GIGYF2: variants seen among roughly 807,000 people sequenced by gnomAD.
The protein encoded by GIGYF2 is GRB10-interacting GYF protein 2.
A neutral mutation model predicts 208.1 loss-of-function variants in GIGYF2; 25 were observed. That is an observed-to-expected ratio of 0.12 (90% CI 0.09 to 0.17). The LOEUF (loss-of-function observed/expected upper bound fraction) is 0.17. Ranked by LOEUF, GIGYF2 falls within the 10% of genes least tolerant of loss-of-function variation. The pLI is 1.00. For missense variants in GIGYF2, 1,302 were observed against 1,579.4 expected (o/e 0.82, Z 2.98); for synonymous variants, 534 against 543.8 (o/e 0.98, Z 0.25).
intron 22 of GIGYF2, among the ~76,000 whole-genome samples, chr2:232,839,378 C>CA (rs1281837105): frequency 6.6e-6 from 1 of 152,190 alleles, no homozygotes; most frequent in Admixed American, 6.5e-5. Flanking sequence ...AGAACTATGC[C>CA]AGCATCTCTC....
chr2:232,727,791 G>A (rs6704768), intron 2 of GIGYF2, among the ~76,000 whole-genome samples: 82,561 of 151,954 alleles, frequency 0.54, 22,555 homozygotes, highest in South Asian at 0.71. Flanking sequence ...ATTCACTTCC[G>A]TTAAATCTGT....
At chr2:232,715,637 G>T (rs1363669799) in intron 2 of GIGYF2, among the ~76,000 whole-genome samples, 3 of 151,914 alleles carry the variant, frequency 2.0e-5, no homozygotes, top group Non-Finnish European at 4.4e-5. Context: ...GTAATAAAGT[G>T]AATATTGAAG....
intron 15 of GIGYF2, among the ~76,000 whole-genome samples, 156 bp from the exon 16 acceptor site, chr2:232,809,564 G>C (rs2106383095): frequency 6.6e-6 from 1 of 152,308 alleles, no homozygotes. Context: ...AGTTTTTAAA[G>C]ATGTCTGAGT....
At chr2:232,853,367 C>T (rs1245734080) in intron 28 of GIGYF2, among the ~76,000 whole-genome samples, 1 of 152,306 alleles carries the variant, frequency 6.6e-6, no homozygotes, top group East Asian at 1.9e-4. Flanking sequence ...TCCTCCACCT[C>T]CCGGGTTCAA....
At chr2:232,762,226 CTTTTTTTTTTTG>C (rs1354020672) in intron 8 of GIGYF2, among the ~76,000 whole-genome samples, 60 of 92,932 alleles carry the variant, frequency 6.5e-4, no homozygotes, top group African/African-American at 1.3e-3. Context: ...TTAATCATGT[CTTTTTTTTTTTG>C]TTTTTTTTTT....
rs750572791 is a variant in GIGYF2, at chr2:232,749,064, C to T, written c.249C>T (p.Pro83=). 6.3e-7 allele frequency: 1 copy of T among 1,577,690 alleles called. No homozygotes were observed. Among genetic ancestry groups the T allele is most frequent in the Non-Finnish European group, 8.7e-7 (1 of 1,146,828 alleles). The change falls in exon 5 of 29, where the codon CCC becomes CCT. Residue 83 remains proline, a synonymous_variant. Coordinates refer to ENST00000373563, the MANE Select transcript of GIGYF2 (RefSeq NM_001103146.3). ...CCCTTCCACCATTGGCTCTGGTACC[C>T]TTTACAGAAGAAGAACAGGTTTGTG... ...EEPLPPLALV[P]FTEEEQRNFS...
In GIGYF2 at chr2:232,847,517, A is replaced by AGCAG; in HGVS notation, c.3630_3631insGCAG (p.Gln1211AlafsTer47). ...AGCAGCGTCAGCAGCAGCAGCTGCC[A>AGCAG]CAGCAGCAGCAGCAGCAGCCGCCAC... On this transcript the variant is annotated frameshift_variant, in exon 27 of 29. Coordinates refer to ENST00000373563, the MANE Select transcript of GIGYF2 (RefSeq NM_001103146.3). LOFTEE classifies it high-confidence loss of function. The AGCAG allele has an allele frequency of 7.2e-6, 3 of 415,918 alleles. No homozygotes were observed. The highest frequency in any genetic ancestry group is 5.8e-5 in the South Asian group (3 of 51,648). The allele number at this position is 415,918 out of a possible 1,614,324, so 25.8% of individuals were successfully genotyped here.
chr2:232,738,907 C>T (rs1311070630), intron 3 of GIGYF2, among the ~76,000 whole-genome samples: 2 of 152,160 alleles, frequency 1.3e-5, no homozygotes, highest in South Asian at 2.1e-4. Flanking sequence ...TGTGTGTTTG[C>T]TCTTGACAAA....
chr2:232,785,925 G>A (rs1394607034), intron 8 of GIGYF2, among the ~76,000 whole-genome samples: 4 of 152,156 alleles, frequency 2.6e-5, no homozygotes, highest in Non-Finnish European at 5.9e-5. Context: ...AACTTTTATT[G>A]TTATAAACTG....
chr2:232,786,033 C>G (rs1382472116), intron 8 of GIGYF2, among the ~76,000 whole-genome samples: 1 of 152,124 alleles, frequency 6.6e-6, no homozygotes, highest in Non-Finnish European at 1.5e-5. Flanking sequence ...GGAATGGTGA[C>G]TGAAGAATTT....
Position 232,847,387 on chromosome 2 carries a change from C to T in GIGYF2, c.3500C>T (p.Pro1167Leu), listed in dbSNP as rs1288815867. The change falls in exon 27 of 29, where the codon CCT (proline) becomes CTT (leucine). Residue 1167 changes from proline to leucine, a missense_variant. By Grantham distance (98) the Pro-to-Leu change is moderately conservative. Coordinates refer to ENST00000373563, the MANE Select transcript of GIGYF2 (RefSeq NM_001103146.3). ...TCTTTCCTGAAAGAAGTAGAATCTC[C>T]TTATGAGGTCCATGATTATATCAGG... ...FVSFLKEVES[P>L]YEVHDYIRAY... 1 of 1,612,828 alleles carries T rather than the reference C, an allele frequency of 6.2e-7. No individual in the cohort carries two copies. The highest frequency in any genetic ancestry group is 8.5e-7 in the Non-Finnish European group (1 of 1,179,094).
rs1029204821 is a variant in GIGYF2, at chr2:232,784,006, T to G, written c.533-3144T>G. On this transcript the variant is annotated intron_variant, in intron 8 of 28. Transcript: ENST00000373563. ...CCCAGCCTCAGATCTAGTTTTTTAC[T>G]TGTAGTATCAATAAAATTTACTTAC... Among the ~76,000 whole-genome samples the G allele has an allele frequency of 4.6e-5, 7 of 152,270 alleles. No individual in the cohort carries two copies. The East Asian group carries it at 1.4e-3, about 29-fold the overall frequency.
chr2:232,857,197 G>T lies in GIGYF2; in HGVS notation c.*337G>T. The T allele has an allele frequency of 2.5e-6, 1 of 399,206 alleles. No homozygotes were observed. The highest frequency in any genetic ancestry group is 4.6e-6 in the Non-Finnish European group (1 of 217,224). 24.7% of individuals were successfully genotyped at this position (399,206 alleles called of 1,614,324 possible). A position where few individuals can be genotyped will look rare whatever the true frequency, so the allele number is the denominator to read the frequency against. On this transcript the variant is annotated 3_prime_UTR_variant, in exon 29 of 29. Transcript: ENST00000373563. ...GAAAGTGTGTTGGGATCGGCCATTA[G>T]CAGCTTGCTTTCTCTTGTCACTTTT...
chr2:232,834,389 TTAA>T (rs1190114010), intron 22 of GIGYF2, among the ~76,000 whole-genome samples: 1 of 152,180 alleles, frequency 6.6e-6, no homozygotes, highest in Non-Finnish European at 1.5e-5. Flanking sequence ...AATCTTGTAT[TTAA>T]ACAAACCCAT....
At chr2:232,809,666 A>T in intron 15 of GIGYF2, 54 bp from the exon 16 acceptor site, 1 of 1,012,862 alleles carries the variant, frequency 9.9e-7, no homozygotes, top group Non-Finnish European at 1.6e-6. Context: ...AGTGGCTTTT[A>T]GGTTCTTTGC....
chr2:232,783,610 A>G (rs945855984), intron 8 of GIGYF2, among the ~76,000 whole-genome samples: 1 of 152,090 alleles, frequency 6.6e-6, no homozygotes, highest in African/African-American at 2.4e-5. Flanking sequence ...AAGGAGCTTA[A>G]ATTTTGTTAC....
At chr2:232,855,670 G>C (rs1228985433) in intron 28 of GIGYF2, among the ~76,000 whole-genome samples, 1 of 152,112 alleles carries the variant, frequency 6.6e-6, no homozygotes, top group East Asian at 1.9e-4. Flanking sequence ...TGACTGGTGG[G>C]AAGAAGTATT....
chr2:232,770,134 G>GT (rs1302245654), intron 8 of GIGYF2, among the ~76,000 whole-genome samples: 1 of 152,096 alleles, frequency 6.6e-6, no homozygotes, highest in Non-Finnish European at 1.5e-5. Flanking sequence ...TGATTTGCAG[G>GT]TTATAGAGCT....
chr2:232,799,140 C>G (rs1700312976), intron 14 of GIGYF2, among the ~76,000 whole-genome samples: 2 of 152,068 alleles, frequency 1.3e-5, no homozygotes, highest in Admixed American at 1.3e-4. Flanking sequence ...AAATTTCCTT[C>G]CTTTTTAAGA....
Sources: gnomAD v4.1 joint callset for allele counts (sites outside exome capture counted in the v4.1 genomes callset) on GRCh38, gnomAD v4.1.1 for gene constraint, MANE v1.5 for transcripts, NCBI Gene and HGNC (gene_info 2026-07-23, HGNC 2026-07-21) for gene names.